The following MTHFD2L variants were observed in gnomAD, a reference collection of about 807,000 sequenced individuals.
MTHFD2L encodes bifunctional methylenetetrahydrofolate dehydrogenase/cyclohydrolase 2, mitochondrial.
In MTHFD2L, 29 loss-of-function variants were observed where a neutral mutation model predicts 34.9. The observed-to-expected ratio is 0.83, with a 90% CI of 0.62 to 1.13. MTHFD2L has a LOEUF of 1.13. Among genes scored for constraint, MTHFD2L ranks in the 50% most tolerant of loss-of-function variants. MTHFD2L has a pLI of 0.00. For missense variants in MTHFD2L, 481 were observed against 446.5 expected (o/e 1.08, Z -0.70); for synonymous variants, 167 against 155.7 (o/e 1.07, Z -0.54).
intron 1 of MTHFD2L, among the ~76,000 whole-genome samples, chr4:74,129,536 T>G (rs571274338): frequency 7.2e-5 from 11 of 152,124 alleles, no homozygotes; most frequent in Middle Eastern, 3.4e-3. Flanking sequence ...TAAAACCAAT[T>G]AGAAGAAAGA....
intron 6 of MTHFD2L, among the ~76,000 whole-genome samples, chr4:74,255,914 A>C (rs1225471466): frequency 6.6e-6 from 1 of 152,096 alleles, no homozygotes; most frequent in Non-Finnish European, 1.5e-5. Flanking sequence ...ATGGACATCT[A>C]GGTTGATGCT....
chr4:74,282,360 C>A (rs533702740), intron 7 of MTHFD2L, among the ~76,000 whole-genome samples: 27 of 151,992 alleles, frequency 1.8e-4, no homozygotes, highest in African/African-American at 6.5e-4. Context: ...ATTATTCTGG[C>A]CAAAAAATAC....
upstream of MTHFD2L, among the ~76,000 whole-genome samples, chr4:74,155,878 T>C (rs1578268858): frequency 6.7e-6 from 1 of 148,316 alleles, no homozygotes; most frequent in East Asian, 2.0e-4. Flanking sequence ...CCCTCCACTT[T>C]TTAGTACTGA....
At chr4:74,298,778 C>G (rs376143585) in intron 7 of MTHFD2L, among the ~76,000 whole-genome samples, 4 of 152,044 alleles carry the variant, frequency 2.6e-5, no homozygotes, top group African/African-American at 9.6e-5. Context: ...TTTGAGAAAA[C>G]TGAGTTAATT....
intron 1 of MTHFD2L, among the ~76,000 whole-genome samples, chr4:74,135,972 C>T (rs1722893696): frequency 1.3e-5 from 2 of 151,980 alleles, no homozygotes; most frequent in Admixed American, 6.6e-5. Flanking sequence ...ATAGAAGAAA[C>T]ATACCTGAAA....
intron 6 of MTHFD2L, among the ~76,000 whole-genome samples, chr4:74,245,214 A>G (rs1000443733): frequency 2.1e-4 from 32 of 150,818 alleles, no homozygotes; most frequent in Non-Finnish European, 1.8e-4. Flanking sequence ...AAAAAAAAAA[A>G]AAAAAGAATC....
intron 3 of MTHFD2L, among the ~76,000 whole-genome samples, chr4:74,175,868 G>A (rs1332682048): frequency 6.6e-6 from 1 of 152,032 alleles, no homozygotes; most frequent in African/African-American, 2.4e-5. Context: ...GAAAGTGTAT[G>A]ATATCTTTGC....
In MTHFD2L at chr4:74,158,222, C is replaced by T. The variant is rs1273852425; in HGVS notation, c.84C>T (p.Ser28=). The T allele has an allele frequency of 6.6e-7, 1 of 1,507,994 alleles. No homozygotes were observed. Among genetic ancestry groups the T allele is most frequent in the Non-Finnish European group, 8.9e-7 (1 of 1,128,920 alleles). 93.4% of individuals were successfully genotyped at this position (1,507,994 alleles called of 1,614,324 possible). A position where few individuals can be genotyped will look rare whatever the true frequency, so the allele number is the denominator to read the frequency against. ...CGTTGGGCAGAAGCACAGCACCCTC[C>T]GTAAGGGCACCGGGAGAGCCCGGGA... ...APALGRSTAP[S]VRAPGEPGSA... Residue 28 remains serine, a synonymous_variant, in exon 1 of 8, where the codon TCC becomes TCT. Transcript: ENST00000325278.
intron 6 of MTHFD2L, among the ~76,000 whole-genome samples, chr4:74,254,320 T>C (rs1382365608): frequency 6.6e-6 from 1 of 152,058 alleles, no homozygotes; most frequent in African/African-American, 2.4e-5. Flanking sequence ...AAAAGAGGTA[T>C]ATACCAAAAC....
chr4:74,245,292 A>G (rs1299883088), intron 6 of MTHFD2L, among the ~76,000 whole-genome samples: 4 of 144,996 alleles, frequency 2.8e-5, no homozygotes, highest in Non-Finnish European at 6.1e-5. Context: ...TTTTATTCTT[A>G]TTTTTTAAAA....
intron 1 of MTHFD2L, among the ~76,000 whole-genome samples, chr4:74,166,006 A>G (rs373985195): frequency 7.9e-5 from 12 of 152,214 alleles, no homozygotes; most frequent in African/African-American, 1.4e-4. Flanking sequence ...TTGTATTCCA[A>G]TGTTTTACAA....
At chr4:74,193,953 A>G (rs1392304353) in intron 3 of MTHFD2L, 2 of 152,144 alleles carry the variant, frequency 1.3e-5, no homozygotes, top group African/African-American at 4.8e-5. Flanking sequence ...AGCATTAACT[A>G]GAAATTGTGG....
At chr4:74,126,821 T>C (rs1722111238) in intron 1 of MTHFD2L, among the ~76,000 whole-genome samples, 1 of 152,144 alleles carries the variant, frequency 6.6e-6, no homozygotes, top group Non-Finnish European at 1.5e-5. Flanking sequence ...TTGGGGATAC[T>C]TGTGATAATC....
rs747185752 is a variant in MTHFD2L at position 74,174,503 on chromosome 4, C to T, written c.144-3C>T. 1 of 1,467,420 alleles carries T rather than the reference C, an allele frequency of 6.8e-7. No homozygotes were observed. 90.9% of individuals were successfully genotyped at this position (1,467,420 alleles called of 1,614,324 possible). Reference sequence around the variant, plus strand: ...TTAGTATTTATTGTTTTGCTTTCCACAGACATGAAGCCATTATTATATCAG... The same window carrying T: ...TTAGTATTTATTGTTTTGCTTTCCATAGACATGAAGCCATTATTATATCAG... On this transcript the variant is annotated splice_polypyrimidine_tract_variant and splice_region_variant and intron_variant, in intron 1 of 7. Coordinates refer to ENST00000325278, the MANE Select transcript of MTHFD2L (RefSeq NM_001144978.3).
Position 74,177,404 on chromosome 4 carries a change from A to G in MTHFD2L, c.451+2001A>G, listed in dbSNP as rs78987306. On this transcript the variant is annotated intron_variant, in intron 3 of 7. Coordinates refer to ENST00000325278, the MANE Select transcript of MTHFD2L (RefSeq NM_001144978.3). ...CTACGACATTTCAATAACTGTATAA[A>G]CATGTCACAACATTAATTCTTAAAA... Among the ~76,000 whole-genome samples the G allele has an allele frequency of 1.0e-3, 156 of 152,132 alleles. 2 individuals carry two copies. In the East Asian group the frequency reaches 0.027, roughly 27 times the overall value.
chr4:74,273,315 CAGA>C (rs1280176036), intron 6 of MTHFD2L, among the ~76,000 whole-genome samples: 4 of 151,910 alleles, frequency 2.6e-5, no homozygotes, highest in Non-Finnish European at 4.4e-5. Flanking sequence ...GGGAACAAGT[CAGA>C]AGGAGATGGA....
At chr4:74,153,880 T>C (rs1465351786), upstream of MTHFD2L, among the ~76,000 whole-genome samples, 1 of 152,188 alleles carries the variant, frequency 6.6e-6, no homozygotes, top group Non-Finnish European at 1.5e-5. Flanking sequence ...TATGATAAAA[T>C]GAATCTATAT....
At chr4:74,177,695 C>T (rs1468438019) in intron 3 of MTHFD2L, among the ~76,000 whole-genome samples, 15 of 151,704 alleles carry the variant, frequency 9.9e-5, no homozygotes, top group Non-Finnish European at 1.5e-5. Flanking sequence ...CATGACAGTT[C>T]CTCAAAAAAT....
At chr4:74,268,911 T>C (rs1232175490) in intron 6 of MTHFD2L, among the ~76,000 whole-genome samples, 1 of 152,204 alleles carries the variant, frequency 6.6e-6, no homozygotes, top group Non-Finnish European at 1.5e-5. Context: ...CTATCATTTT[T>C]TTCTATGTTA....
Sources: gnomAD v4.1 joint callset for allele counts (sites outside exome capture counted in the v4.1 genomes callset) on GRCh38, gnomAD v4.1.1 for gene constraint, MANE v1.5 for transcripts, NCBI Gene and HGNC (gene_info 2026-07-23, HGNC 2026-07-21) for gene names.